The following ZNF267 variants were observed in gnomAD, a reference collection of about 807,000 sequenced individuals.
ZNF267 encodes the protein zinc finger (C2H2).
A neutral mutation model predicts 71.6 loss-of-function variants in ZNF267; 61 were observed. That is an observed-to-expected ratio of 0.85 (90% CI 0.69 to 1.05). The LOEUF (loss-of-function observed/expected upper bound fraction) is 1.05, where lower values mean the gene tolerates loss of function less well. Ranked by LOEUF, ZNF267 falls within the 50% of genes least tolerant of loss-of-function variation. The pLI is 0.00. For synonymous variants in ZNF267, 288 were observed against 293.2 expected, an observed-to-expected ratio of 0.98 and a Z score of 0.18; for missense variants, 852 against 870.0, an observed-to-expected ratio of 0.98 and a Z score of 0.26.
intron 3 of ZNF267, among the ~76,000 whole-genome samples, chr16:31,889,915 TCACA>T (rs1162974252): frequency 6.6e-6 from 1 of 152,214 alleles, no homozygotes; most frequent in Non-Finnish European, 1.5e-5. Flanking sequence ...CCACACTGTA[TCACA>T]CACATTTGTG....
intron 3 of ZNF267, among the ~76,000 whole-genome samples, chr16:31,904,206 A>G (rs1051662270): frequency 6.6e-6 from 1 of 152,184 alleles, no homozygotes; most frequent in African/African-American, 2.4e-5. Context: ...TTTACTTCCA[A>G]CTATGTGGTC....
chr16:31,898,547 A>AT (rs36114741), intron 3 of ZNF267, among the ~76,000 whole-genome samples: 128,765 of 149,574 alleles, frequency 0.86, 57,377 homozygotes, highest in East Asian at 0.99. Context: ...TGTTTTATTG[A>AT]TTTTTTTTTA....
intron 1 of ZNF267, among the ~76,000 whole-genome samples, chr16:31,878,187 C>G (rs892818610): frequency 1.3e-5 from 2 of 152,152 alleles, no homozygotes; most frequent in Non-Finnish European, 2.9e-5. Context: ...ACAGACCTCA[C>G]AGAGGCCTGG....
chr16:31,880,852 A>G (rs554315355), intron 1 of ZNF267, among the ~76,000 whole-genome samples: 2 of 152,208 alleles, frequency 1.3e-5, no homozygotes, highest in African/African-American at 4.8e-5. Context: ...TCATATGGCC[A>G]CTAGGAAAAC....
At chr16:31,892,844 C>T (rs1014157664) in intron 3 of ZNF267, among the ~76,000 whole-genome samples, 8 of 152,232 alleles carry the variant, frequency 5.3e-5, no homozygotes, top group Admixed American at 1.3e-4. Context: ...TAGCCACCCT[C>T]CTGGCCGCTT....
rs2084181622 is a variant in ZNF267, at chr16:31,916,759, A to G, written c.*278A>G. 3.0e-6 allele frequency: 1 copy of G among 328,204 alleles called. No individual in the cohort carries two copies. The allele number at this position is 328,204 out of a possible 1,614,324, so 20.3% of individuals were successfully genotyped here. A position where few individuals can be genotyped will look rare whatever the true frequency, so the allele number is the denominator to read the frequency against. On this transcript the variant is annotated 3_prime_UTR_variant, in exon 4 of 4. Transcript: ENST00000300870. ...AAATGTGAAAAGTTTTATTCAAAAT[A>G]TCAAACTTATGAGTCACCTAGGGGT...
chr16:31,915,165 C>G lies in ZNF267; in HGVS notation c.916C>G (p.Gln306Glu), dbSNP rs1202422341. The change falls in exon 4 of 4, where the codon CAG (glutamine) becomes GAG (glutamate). Residue 306 changes from glutamine (Q) to glutamate (E), a missense_variant. By Grantham distance (29) the Gln-to-Glu change is conservative. Transcript: ENST00000300870. ...SYNKYDKDLS[Q>E]SSNLRKQIIH... ...TAACAAATATGATAAAGATCTTAGT[C>G]AGTCATCAAATCTTAGAAAGCAGAT... is the stretch of plus-strand genomic sequence containing the variant. 1 of 1,612,312 alleles carries G rather than the reference C, an allele frequency of 6.2e-7. No individual in the cohort carries two copies. The highest frequency in any genetic ancestry group is 8.5e-7 in the Non-Finnish European group (1 of 1,179,238).
Position 31,915,685 on chromosome 16 carries a change from T to C in ZNF267, c.1436T>C (p.Leu479Pro). The C allele has an allele frequency of 6.2e-7, 1 of 1,613,840 alleles. No individual in the cohort carries two copies. Among genetic ancestry groups the C allele is most frequent in the Non-Finnish European group, 8.5e-7 (1 of 1,179,962 alleles). Reference sequence around the variant, plus strand: ...AAATCTTATGCTCGTTCTTCAAATCTTATTATGCATCAGAGAGTTCATACT... The same window carrying C: ...AAATCTTATGCTCGTTCTTCAAATCCTATTATGCATCAGAGAGTTCATACT... ...CSKSYARSSN[L>P]IMHQRVHTGE... The change falls in exon 4 of 4, where the codon CTT (leucine) becomes CCT (proline). Residue 479 changes from leucine (L) to proline (P), a missense_variant. Coordinates refer to ENST00000300870, the MANE Select transcript of ZNF267 (RefSeq NM_003414.6).
At chr16:31,914,438 A>G in intron 3 of ZNF267, 38 bp from the exon 4 acceptor site, 2 of 1,489,384 alleles carry the variant, frequency 1.3e-6, no homozygotes, top group South Asian at 2.7e-5. Flanking sequence ...GTACCTGAAT[A>G]TAGTAATTGG....
At chr16:31,888,442 T>G (rs1277011482) in intron 3 of ZNF267, among the ~76,000 whole-genome samples, 11 of 152,076 alleles carry the variant, frequency 7.2e-5, no homozygotes, top group Admixed American at 7.2e-4. Flanking sequence ...TCTGTCTTGT[T>G]TCTGATACTA....
At chr16:31,877,219 G>A (rs2083858625) in intron 1 of ZNF267, among the ~76,000 whole-genome samples, 1 of 152,004 alleles carries the variant, frequency 6.6e-6, no homozygotes, top group Non-Finnish European at 1.5e-5. Flanking sequence ...CCCCCAGACT[G>A]AGGCTTGCAG....
rs1176189858 is a variant in ZNF267, at chr16:31,873,818, G to T, written c.-149G>T. 2 of 1,080,584 alleles carry T rather than the reference G, an allele frequency of 1.9e-6. No homozygotes were observed. The highest frequency in any genetic ancestry group is 2.8e-6 in the Non-Finnish European group (2 of 715,598). 66.9% of individuals were successfully genotyped at this position (1,080,584 alleles called of 1,614,324 possible). On this transcript the variant is annotated 5_prime_UTR_variant, in exon 1 of 4. Transcript: ENST00000300870. The stretch of plus-strand genomic sequence containing the variant: ...CCTTCGTCGGCTCCAGTTAGAGCTC[G>T]GGTCTCCTCGCCACAGCTCCGAGTC...
intron 3 of ZNF267, among the ~76,000 whole-genome samples, chr16:31,889,667 CAG>C (rs1371457940): frequency 6.6e-6 from 1 of 152,106 alleles, no homozygotes. Context: ...AGTTTGCAAT[CAG>C]GGGAATTGGT....
At chr16:31,905,338 G>A (rs191033953) in intron 3 of ZNF267, among the ~76,000 whole-genome samples, 7 of 146,856 alleles carry the variant, frequency 4.8e-5, no homozygotes, top group African/African-American at 1.9e-4. Flanking sequence ...TGCCTGCCTT[G>A]CTGGATTGGG....
intron 3 of ZNF267, among the ~76,000 whole-genome samples, chr16:31,886,390 C>T (rs2083924622): frequency 6.6e-6 from 1 of 152,218 alleles, no homozygotes; most frequent in Non-Finnish European, 1.5e-5. Flanking sequence ...GCAAGCATTA[C>T]TGCCTGATCG....
Position 31,885,239 on chromosome 16 carries a change from C to T in ZNF267, c.209C>T (p.Thr70Ile), listed in dbSNP as rs751086169. The change falls in exon 3 of 4, where the codon ACA (threonine) becomes ATA (isoleucine). Residue 70 changes from threonine to isoleucine, a missense_variant. Physicochemically the swap from Thr to Ile is moderately conservative, Grantham distance 89. Transcript: ENST00000300870. ...KEPWNVKSEE[T>I]VAIQPDVFSH... ...CCTTGGAATGTGAAGAGTGAGGAGA[C>T]AGTAGCCATCCAGCCAGGTAGGTGG... 4 of 1,607,180 alleles carry T rather than the reference C, an allele frequency of 2.5e-6. No individual in the cohort carries two copies. In the East Asian group the frequency reaches 8.9e-5, roughly 36 times the overall value.
At chr16:31,898,426 AT>A (rs905173689) in intron 3 of ZNF267, among the ~76,000 whole-genome samples, 7 of 151,878 alleles carry the variant, frequency 4.6e-5, no homozygotes, top group East Asian at 3.9e-4. Context: ...GAATGATTTA[AT>A]TTTTTTTATG....
chr16:31,876,652 G>A (rs2083854371), intron 1 of ZNF267, among the ~76,000 whole-genome samples: 1 of 152,218 alleles, frequency 6.6e-6, no homozygotes, highest in Non-Finnish European at 1.5e-5. Flanking sequence ...ATACTTTAGT[G>A]TTTTCTGTTG....
At chr16:31,880,469 T>A (rs980918070) in intron 1 of ZNF267, among the ~76,000 whole-genome samples, 1 of 152,172 alleles carries the variant, frequency 6.6e-6, no homozygotes, top group Non-Finnish European at 1.5e-5. Flanking sequence ...TAATAACATA[T>A]CTGGATCCTG....
Sources: allele counts gnomAD v4.1 joint callset (sites outside exome capture counted in the v4.1 genomes callset), GRCh38; gene constraint gnomAD v4.1.1; transcripts MANE v1.5; gene names NCBI Gene and HGNC (gene_info 2026-07-23, HGNC 2026-07-21).